DLG2: variants seen among roughly 807,000 people sequenced by gnomAD.
DLG2 encodes discs large MAGUK scaffold protein 2.
In DLG2, 45 loss-of-function variants were observed where a neutral mutation model predicts 132.5. The observed-to-expected ratio is 0.34, with a 90% confidence interval of 0.27 to 0.44. The LOEUF is 0.44. Ranked by LOEUF, DLG2 falls within the 20% of genes least tolerant of loss-of-function variation. The pLI, the probability that DLG2 is intolerant of heterozygous loss-of-function variation, is 1.00. For synonymous variants in DLG2, 424 were observed against 419.6 expected (o/e 1.01, Z -0.13); for missense variants, 1,045 against 1,196.9 (o/e 0.87, Z 1.87).
chr11:84,535,539 T>A (rs1392635181), intron 6 of DLG2, among the ~76,000 whole-genome samples: 1 of 152,182 alleles, frequency 6.6e-6, no homozygotes, highest in African/African-American at 2.4e-5. Flanking sequence ...CAAACAGATA[T>A]AAGGAAGTTG....
At chr11:83,658,471 AT>A (rs2073344660) in intron 18 of DLG2, among the ~76,000 whole-genome samples, 1 of 152,258 alleles carries the variant, frequency 6.6e-6, no homozygotes, top group African/African-American at 2.4e-5. Context: ...AATGACAATG[AT>A]AATAAACAGT....
At chr11:83,465,636 T>C (rs1283636871) in intron 26 of DLG2, among the ~76,000 whole-genome samples, 4 of 152,332 alleles carry the variant, frequency 2.6e-5, no homozygotes, top group Non-Finnish European at 4.4e-5. Flanking sequence ...AATGAAGTAA[T>C]TTTATATCTT....
Position 84,514,695 on chromosome 11 carries a change from G to A in DLG2, c.519+19875C>T, listed in dbSNP as rs533322291. 2.6e-5 allele frequency among the ~76,000 whole-genome samples: 4 copies of A among 151,874 alleles called. No individual in the cohort carries two copies. In the East Asian group the frequency reaches 7.7e-4, roughly 29 times the overall value. On this transcript the variant is annotated intron_variant, in intron 7 of 27. Coordinates refer to ENST00000376104, the MANE Select transcript of DLG2 (RefSeq NM_001142699.3). Reference sequence around the variant, plus strand: ...GGGTGGGGGTGAGGAGGAGAGGTGGGGATGTTTAAAGTATGCCAAAGTTGT... The same window carrying A: ...GGGTGGGGGTGAGGAGGAGAGGTGGAGATGTTTAAAGTATGCCAAAGTTGT...
chr11:84,515,124 G>A (rs757724087), intron 7 of DLG2, among the ~76,000 whole-genome samples: 5 of 151,608 alleles, frequency 3.3e-5, no homozygotes, highest in Non-Finnish European at 4.4e-5. Flanking sequence ...GCAAGACAAC[G>A]AGAGAGGAAG....
chr11:83,630,467 T>G (rs927896212), intron 19 of DLG2, among the ~76,000 whole-genome samples: 19 of 152,188 alleles, frequency 1.2e-4, no homozygotes, highest in African/African-American at 4.6e-4. Flanking sequence ...GCTTTCTGAT[T>G]TAGGTTTTGG....
chr11:84,961,806 G>T (rs2052622019), intron 6 of DLG2, among the ~76,000 whole-genome samples: 1 of 152,138 alleles, frequency 6.6e-6, no homozygotes, highest in Non-Finnish European at 1.5e-5. Flanking sequence ...TATAATGACA[G>T]ACAAAACTAA....
Position 84,017,767 on chromosome 11 carries a change from C to T in DLG2, c.920-37125G>A, listed in dbSNP as rs574030860. Among the ~76,000 whole-genome samples the T allele has an allele frequency of 2.7e-3, 409 of 152,088 alleles. 3 individuals are homozygous for T. Among genetic ancestry groups the T allele is most frequent in the Non-Finnish European group, 4.4e-3 (302 of 67,872 alleles). On this transcript the variant is annotated intron_variant, in intron 11 of 27. Transcript: ENST00000376104. ...AAAGAAGAACATTGAAAATAAAGCT[C>T]ATAACAATAATTACAACACTTAAAA... is the stretch of plus-strand genomic sequence containing the variant.
chr11:85,376,341 A>T (rs1392958370), intron 3 of DLG2, among the ~76,000 whole-genome samples: 3 of 152,156 alleles, frequency 2.0e-5, no homozygotes, highest in Admixed American at 1.3e-4. Context: ...ATTATAAGAC[A>T]ATCATAGAAT....
At chr11:83,512,140 T>C (rs1362089402) in intron 21 of DLG2, among the ~76,000 whole-genome samples, 2 of 152,112 alleles carry the variant, frequency 1.3e-5, no homozygotes, top group Admixed American at 6.5e-5. Context: ...AATTGTTAGG[T>C]AGAGAACTAG....
chr11:83,464,029 G>A (rs950815071), intron 26 of DLG2, among the ~76,000 whole-genome samples: 1 of 152,180 alleles, frequency 6.6e-6, no homozygotes, highest in Non-Finnish European at 1.5e-5. Context: ...TGAATGAATA[G>A]ATGAGTAAAT....
At chr11:84,898,999 A>C (rs2090551282) in intron 6 of DLG2, among the ~76,000 whole-genome samples, 1 of 152,156 alleles carries the variant, frequency 6.6e-6, no homozygotes, top group African/African-American at 2.4e-5. Context: ...TTGTATTCCC[A>C]GTGCTTGTGC....
At chr11:83,932,916 G>C (rs143542568) in intron 14 of DLG2, among the ~76,000 whole-genome samples, 6 of 152,234 alleles carry the variant, frequency 3.9e-5, no homozygotes, top group Non-Finnish European at 8.8e-5. Context: ...CCCTCAAAGG[G>C]ATAGGTTTCT....
At chr11:85,616,933 C>A (rs2081377690) in intron 2 of DLG2, among the ~76,000 whole-genome samples, 1 of 152,152 alleles carries the variant, frequency 6.6e-6, no homozygotes, top group Admixed American at 6.5e-5. Context: ...CTAGACACAA[C>A]AACTCATATG....
intron 9 of DLG2, among the ~76,000 whole-genome samples, chr11:84,134,867 A>C (rs2154221424): frequency 6.6e-6 from 1 of 152,120 alleles, no homozygotes; most frequent in African/African-American, 2.4e-5. Context: ...CCTGAAGTCC[A>C]GCCAATATAG....
intron 6 of DLG2, among the ~76,000 whole-genome samples, chr11:84,664,342 AATT>A (rs1203267143): frequency 1.3e-5 from 2 of 152,210 alleles, no homozygotes; most frequent in Non-Finnish European, 1.5e-5. Flanking sequence ...TAAAATTACA[AATT>A]ATATTTCAAA....
chr11:83,951,725 T>C (rs1226092209), intron 14 of DLG2, among the ~76,000 whole-genome samples: 1 of 152,110 alleles, frequency 6.6e-6, no homozygotes, highest in Non-Finnish European at 1.5e-5. Context: ...AGTCAAATCA[T>C]AAAGAGTCTC....
At chr11:85,459,210 G>A (rs760713102) in intron 3 of DLG2, among the ~76,000 whole-genome samples, 1 of 152,160 alleles carries the variant, frequency 6.6e-6, no homozygotes, top group Non-Finnish European at 1.5e-5. Context: ...GTAGCAGAGG[G>A]CCTTTTGGTT....
chr11:85,585,327 T>A (rs965392102), intron 3 of DLG2, among the ~76,000 whole-genome samples: 4 of 152,202 alleles, frequency 2.6e-5, no homozygotes, highest in Non-Finnish European at 5.9e-5. Context: ...TTTGGCTTTA[T>A]TTCTGGGTTC....
chr11:84,245,949 T>G (rs1321689831), intron 8 of DLG2, among the ~76,000 whole-genome samples: 1 of 152,236 alleles, frequency 6.6e-6, no homozygotes, highest in Non-Finnish European at 1.5e-5. Context: ...CAATTGGGTG[T>G]TGGTGGATGT....
Sources: gnomAD v4.1 joint callset for allele counts (sites outside exome capture counted in the v4.1 genomes callset) on GRCh38, gnomAD v4.1.1 for gene constraint, MANE v1.5 for transcripts, NCBI Gene and HGNC (gene_info 2026-07-23, HGNC 2026-07-21) for gene names.